The following CSMD3 variants were observed in gnomAD, a reference collection of about 807,000 sequenced individuals.
CSMD3 encodes the protein CUB and sushi domain-containing protein 3.
Under a neutral mutation model 435.2 loss-of-function variants are expected in CSMD3, and 177 were observed. The ratio of observed to expected loss-of-function variants is 0.41; its 90% CI spans 0.36 to 0.46. The LOEUF (loss-of-function observed/expected upper bound fraction) is 0.46. Ranked by LOEUF, CSMD3 falls within the 20% of genes least tolerant of loss-of-function variation. The pLI, the probability that CSMD3 is intolerant of heterozygous loss-of-function variation, is 0.34. For synonymous variants in CSMD3, 1,656 were observed against 1,520.5 expected, an observed-to-expected ratio of 1.09 and a Z score of -2.07; for missense variants, 4,265 against 4,504.6, an observed-to-expected ratio of 0.95 and a Z score of 1.52.
intron 16 of CSMD3, among the ~76,000 whole-genome samples, chr8:112,675,054 C>G (rs2131744337): frequency 6.6e-6 from 1 of 152,140 alleles, no homozygotes; most frequent in Non-Finnish European, 1.5e-5. Context: ...CCCACTTAAG[C>G]TCTGGAGGGG....
chr8:112,277,906 T>A (rs904916819), intron 59 of CSMD3, among the ~76,000 whole-genome samples: 4 of 152,120 alleles, frequency 2.6e-5, no homozygotes, highest in African/African-American at 9.7e-5. Flanking sequence ...TATCTCCCAC[T>A]GGGTCCCTCC....
chr8:113,378,887 C>T (rs2094402323), intron 1 of CSMD3, among the ~76,000 whole-genome samples: 1 of 151,886 alleles, frequency 6.6e-6, no homozygotes, highest in South Asian at 2.1e-4. Context: ...ACTTGAGAAA[C>T]CCTACTTTAA....
intron 23 of CSMD3, among the ~76,000 whole-genome samples, chr8:112,579,219 A>T (rs549980818): frequency 6.6e-6 from 1 of 152,202 alleles, no homozygotes; most frequent in East Asian, 1.9e-4. Context: ...TGAAAAAAAT[A>T]TTTCTTCAAT....
intron 3 of CSMD3, among the ~76,000 whole-genome samples, chr8:113,196,227 A>C (rs763285052): frequency 2.4e-4 from 37 of 151,200 alleles, no homozygotes; most frequent in Non-Finnish European, 4.7e-4. Flanking sequence ...AAGAAAAAGA[A>C]AAAAAGTCAT....
At chr8:112,963,806 A>G (rs1410086468) in intron 7 of CSMD3, among the ~76,000 whole-genome samples, 3 of 152,018 alleles carry the variant, frequency 2.0e-5, no homozygotes, top group Admixed American at 1.3e-4. Context: ...ACATGAGAGC[A>G]ATATGAATAG....
intron 3 of CSMD3, among the ~76,000 whole-genome samples, chr8:113,231,597 G>A (rs2093087915): frequency 6.6e-6 from 1 of 151,388 alleles, no homozygotes; most frequent in African/African-American, 2.4e-5. Context: ...TATTTGTAGA[G>A]AAATTTTCTT....
At chr8:112,876,163 G>C (rs1587546147) in intron 10 of CSMD3, among the ~76,000 whole-genome samples, 1 of 152,152 alleles carries the variant, frequency 6.6e-6, no homozygotes, top group African/African-American at 2.4e-5. Context: ...CCAATAACAA[G>C]TTCTGAAACT....
chr8:112,294,535 C>T (rs915207595), intron 54 of CSMD3, among the ~76,000 whole-genome samples: 3 of 152,096 alleles, frequency 2.0e-5, no homozygotes, highest in South Asian at 2.1e-4. Context: ...TAAATACTTA[C>T]GGGGATTCTG....
At chr8:112,843,413 G>A (rs989877941) in intron 11 of CSMD3, among the ~76,000 whole-genome samples, 1 of 151,772 alleles carries the variant, frequency 6.6e-6, no homozygotes, top group Admixed American at 6.6e-5. Context: ...ACCTGGGATA[G>A]GCAGAATACC....
chr8:112,270,388 G>A (rs1817409780), intron 59 of CSMD3, among the ~76,000 whole-genome samples: 3 of 131,758 alleles, frequency 2.3e-5, no homozygotes, highest in Non-Finnish European at 4.8e-5. Context: ...GTGTGTGTGT[G>A]TGTGTGTGTT....
chr8:112,436,811 T>C (rs1476063184), intron 32 of CSMD3, among the ~76,000 whole-genome samples: 1 of 152,012 alleles, frequency 6.6e-6, no homozygotes, highest in Admixed American at 6.6e-5. Flanking sequence ...ACTGAAATGC[T>C]GACATTTCAA....
chr8:112,399,832 T>C (rs1459089615), intron 35 of CSMD3, among the ~76,000 whole-genome samples: 3 of 152,202 alleles, frequency 2.0e-5, no homozygotes, highest in African/African-American at 7.2e-5. Context: ...AGAATTACCT[T>C]TACTATCCAC....
intron 38 of CSMD3, among the ~76,000 whole-genome samples, chr8:112,372,970 A>AATAT (rs374350164): frequency 5.1e-4 from 74 of 144,862 alleles, no homozygotes; most frequent in African/African-American, 1.7e-3. Flanking sequence ...CAGCAGAAAA[A>AATAT]ATATATATAT....
At chr8:113,415,896 A>G (rs1406104908) in intron 1 of CSMD3, among the ~76,000 whole-genome samples, 4 of 152,096 alleles carry the variant, frequency 2.6e-5, no homozygotes, top group African/African-American at 7.2e-5. Flanking sequence ...TCAGTTTTCA[A>G]TATTAATGTA....
chr8:112,305,943 A>G, intron 51 of CSMD3, 64 bp downstream of exon 51: 1 of 1,339,598 alleles, frequency 7.5e-7, no homozygotes. Context: ...TAAAATACAT[A>G]AAATTTCAGG....
At chr8:113,392,972 T>A (rs1235069004) in intron 1 of CSMD3, among the ~76,000 whole-genome samples, 3 of 151,726 alleles carry the variant, frequency 2.0e-5, no homozygotes, top group Non-Finnish European at 4.4e-5. Flanking sequence ...TGTGTGTGTG[T>A]GTGTATATAC....
intron 62 of CSMD3, 72 bp from the exon 63 acceptor site, chr8:112,254,398 T>C: frequency 1.9e-6 from 2 of 1,028,498 alleles, no homozygotes; most frequent in Non-Finnish European, 3.1e-6. Flanking sequence ...CAGAAAACAA[T>C]TTTAAATAAT....
At chr8:113,278,400 A>G (rs2093587932) in intron 3 of CSMD3, among the ~76,000 whole-genome samples, 192 bp downstream of exon 3, 1 of 151,844 alleles carries the variant, frequency 6.6e-6, no homozygotes, top group Non-Finnish European at 1.5e-5. Flanking sequence ...GGTCTCACAT[A>G]GTGATATAAA....
chr8:113,004,212 C>T (rs1287625543), intron 6 of CSMD3, among the ~76,000 whole-genome samples: 1 of 151,912 alleles, frequency 6.6e-6, no homozygotes, highest in Non-Finnish European at 1.5e-5. Context: ...GGAAAAAAAA[C>T]AAATTTGTCC....
Sources: gnomAD v4.1 joint callset for allele counts (sites outside exome capture counted in the v4.1 genomes callset) on GRCh38, gnomAD v4.1.1 for gene constraint, MANE v1.5 for transcripts, NCBI Gene and HGNC (gene_info 2026-07-23, HGNC 2026-07-21) for gene names.